FMR1NB: variants seen among roughly 807,000 people sequenced by gnomAD.
FMR1NB encodes FMR1 neighbor protein.
A neutral mutation model predicts 16.8 loss-of-function variants in FMR1NB; 10 were observed. That is an observed-to-expected ratio of 0.60 (90% confidence interval 0.37 to 1.01). The LOEUF (loss-of-function observed/expected upper bound fraction) is 1.01. FMR1NB is among the 50% of genes least tolerant of loss of function. FMR1NB has a pLI of 0.01. For missense variants in FMR1NB, 205 were observed against 204.8 expected (o/e 1.00, Z 0.00); for synonymous variants, 83 against 79.1 (o/e 1.05, Z -0.26).
rs951569951 is a variant in FMR1NB, at chrX:147,987,474, T to G, written c.277+5795T>G. Among the ~76,000 whole-genome samples the G allele has an allele frequency of 4.5e-4, 50 of 111,642 alleles. 1 individual carries two copies. Among genetic ancestry groups the G allele is most frequent in the African/African-American group, 1.4e-3 (44 of 30,769 alleles). On this transcript the variant is annotated intron_variant, in intron 1 of 5. Transcript: ENST00000370467. ...TGGCTATGGGTTTGTCATAAATAGC[T>G]CTTATTATTTTGTGATGCTGAGAAG... is the stretch of plus-strand genomic sequence containing the variant.
At chrX:148,008,330 A>G (rs1284761331) in intron 3 of FMR1NB, 1 of 244,256 alleles carries the variant, frequency 4.1e-6, no homozygotes, top group Non-Finnish European at 7.3e-6. Context: ...CAGAGGAAGA[A>G]ATATCGTATG....
intron 1 of FMR1NB, among the ~76,000 whole-genome samples, chrX:147,990,026 G>A (rs1193160464): frequency 1.1e-5 from 1 of 93,041 alleles, no homozygotes; most frequent in Non-Finnish European, 2.1e-5. Context: ...GGTTCCAGGT[G>A]CCACTGGGCT....
At chrX:148,022,408 TTCTAAATTTTAAGCTCC>T (rs1557190667) in intron 4 of FMR1NB, among the ~76,000 whole-genome samples, 1 of 112,171 alleles carries the variant, frequency 8.9e-6, no homozygotes, top group Non-Finnish European at 1.9e-5. Flanking sequence ...CTACTTTCCC[TTCTAAATTTTAAGCTCC>T]TCAAGGACAG....
At chrX:148,003,948 C>T (rs1166027786) in intron 2 of FMR1NB, among the ~76,000 whole-genome samples, 2 of 111,914 alleles carry the variant, frequency 1.8e-5, no homozygotes, top group Admixed American at 9.5e-5. Context: ...AGATAAAGCT[C>T]TTATGAAAAA....
At chrX:148,014,003 C>G (rs952925010) in intron 4 of FMR1NB, among the ~76,000 whole-genome samples, 42 of 111,440 alleles carry the variant, frequency 3.8e-4, no homozygotes, top group Non-Finnish European at 1.9e-4. Context: ...GAATTTGCCC[C>G]TTCTCCCATT....
intron 1 of FMR1NB, among the ~76,000 whole-genome samples, chrX:148,001,754 A>G (rs2044571616): frequency 9.0e-6 from 1 of 111,192 alleles, no homozygotes; most frequent in Admixed American, 9.6e-5. Context: ...TGTCTCAAAA[A>G]AAAAATAAAA....
chrX:147,988,833 C>T (rs1442224667), intron 1 of FMR1NB, among the ~76,000 whole-genome samples: 2 of 111,512 alleles, frequency 1.8e-5, no homozygotes, highest in Admixed American at 9.5e-5. Flanking sequence ...ACGAAGTTCT[C>T]GTGCTGTGTT....
chrX:148,013,774 A>G (rs2124625258), intron 4 of FMR1NB, among the ~76,000 whole-genome samples: 1 of 111,748 alleles, frequency 8.9e-6, no homozygotes, highest in South Asian at 3.8e-4. Context: ...AGCACCTCAA[A>G]TGCAATATGT....
intron 4 of FMR1NB, among the ~76,000 whole-genome samples, chrX:148,024,296 T>A (rs1557190822): frequency 8.9e-6 from 1 of 111,895 alleles, no homozygotes; most frequent in African/African-American, 3.2e-5. Flanking sequence ...AGGGTCGTTA[T>A]GAGGATTTAA....
At chrX:148,012,544 A>T (rs782366039) in intron 4 of FMR1NB, among the ~76,000 whole-genome samples, 1 of 111,778 alleles carries the variant, frequency 8.9e-6, no homozygotes, top group Non-Finnish European at 1.9e-5. Context: ...AACTAATAAA[A>T]TGTCTATTTT....
rs191240455 is a variant in FMR1NB at position 148,007,864 on chromosome X, A to G, written c.539-754A>G. On this transcript the variant is annotated intron_variant, in intron 3 of 5. Transcript: ENST00000370467. ...TGGAAACTAAAACCTGATCGTGAATATAATATTACAATTTTAACACTGTCA... is the reference window on the plus strand; with the variant it reads ...TGGAAACTAAAACCTGATCGTGAATGTAATATTACAATTTTAACACTGTCA... 4.5e-5 allele frequency among the ~76,000 whole-genome samples: 5 copies of G among 112,182 alleles called. No homozygotes were observed. In the East Asian group the frequency reaches 1.4e-3, roughly 31 times the overall value.
chrX:148,022,547 TGTGCGTATGCTG>T (rs1439278994), intron 4 of FMR1NB, among the ~76,000 whole-genome samples: 2 of 112,005 alleles, frequency 1.8e-5, no homozygotes, highest in African/African-American at 3.2e-5. Context: ...ACCTTTTCCG[TGTGCGTATGCTG>T]GTCATGATAT....
chrX:148,023,140 C>T (rs1231211018), intron 4 of FMR1NB, among the ~76,000 whole-genome samples: 2 of 111,478 alleles, frequency 1.8e-5, no homozygotes, highest in South Asian at 7.5e-4. Flanking sequence ...TTCAATATAT[C>T]GTGTCATATT....
intron 4 of FMR1NB, among the ~76,000 whole-genome samples, chrX:148,014,077 G>T (rs1316123878): frequency 9.0e-6 from 1 of 111,182 alleles, no homozygotes; most frequent in Non-Finnish European, 1.9e-5. Context: ...CTTCAGGAGA[G>T]GAGCAAAAGG....
intron 4 of FMR1NB, among the ~76,000 whole-genome samples, chrX:148,014,934 C>T (rs1033019379): frequency 2.7e-5 from 3 of 112,085 alleles, no homozygotes; most frequent in Non-Finnish European, 5.6e-5. Flanking sequence ...CAGAAGCCAA[C>T]ATGCCCAGCC....
intron 2 of FMR1NB, 58 bp from the exon 3 acceptor site, chrX:148,006,644 A>C: frequency 8.9e-7 from 1 of 1,120,738 alleles, no homozygotes; most frequent in African/African-American, 1.8e-5. Flanking sequence ...TTATTTAATT[A>C]GGGAAAGTGG....
rs781876920 is a variant in FMR1NB at position 147,981,378 on chromosome X, T to C, written c.-25T>C. 4 of 1,179,593 alleles carry C rather than the reference T, an allele frequency of 3.4e-6. No homozygotes were observed. The South Asian group carries it at 7.4e-5, about 22-fold the overall frequency. On this transcript the variant is annotated 5_prime_UTR_variant, in exon 1 of 6. Coordinates refer to ENST00000370467, the MANE Select transcript of FMR1NB (RefSeq NM_152578.3). ...CGGACCGTTGGGCTGTGAGGCAGCG[T>C]CTCAGCGAGGCGGCACCCGGAGCCA...
At chrX:147,981,777 G>A in intron 1 of FMR1NB, 98 bp downstream of exon 1, 1 of 946,179 alleles carries the variant, frequency 1.1e-6, no homozygotes, top group East Asian at 3.4e-5. Context: ...CCAACCATAG[G>A]CCTTCCTGCC....
At chrX:147,985,762 A>G (rs1394602888) in intron 1 of FMR1NB, among the ~76,000 whole-genome samples, 1 of 112,251 alleles carries the variant, frequency 8.9e-6, no homozygotes, top group Non-Finnish European at 1.9e-5. Context: ...TATTGTAAAT[A>G]GTGCTGCAAT....
Sources: allele counts gnomAD v4.1 joint callset (sites outside exome capture counted in the v4.1 genomes callset), GRCh38; gene constraint gnomAD v4.1.1; transcripts MANE v1.5; gene names NCBI Gene and HGNC (gene_info 2026-07-23, HGNC 2026-07-21).